The following FRMPD3 variants were observed in gnomAD, a reference collection of about 807,000 sequenced individuals.
The protein encoded by FRMPD3 is FERM and PDZ domain-containing protein 3.
FRMPD3 carries 42 observed loss-of-function variants against 97.9 expected under a neutral mutation model. The ratio of observed to expected loss-of-function variants is 0.43; its 90% CI spans 0.34 to 0.55. The LOEUF (loss-of-function observed/expected upper bound fraction) is 0.55, where lower values mean the gene tolerates loss of function less well. FRMPD3 is among the 20% of genes least tolerant of loss of function. The pLI is 0.03. For synonymous variants in FRMPD3, 577 were observed against 581.1 expected, an observed-to-expected ratio of 0.99 and a Z score of 0.10; for missense variants, 1,303 against 1,457.7, an observed-to-expected ratio of 0.89 and a Z score of 1.73.
At chrX:107,482,191 C>T (rs748852108) in intron 1 of FRMPD3, among the ~76,000 whole-genome samples, 4 of 111,503 alleles carry the variant, frequency 3.6e-5, no homozygotes, top group African/African-American at 9.8e-5. Context: ...CTCCTCCCCC[C>T]GGTCTTCCCA....
chrX:107,475,077 T>C (rs761273561), intron 1 of FRMPD3, among the ~76,000 whole-genome samples: 8 of 112,169 alleles, frequency 7.1e-5, no homozygotes, highest in Admixed American at 1.9e-4. Context: ...TGTGTCTGAA[T>C]ATGTGTATGT....
chrX:107,594,818 T>G (rs1924090959), intron 13 of FRMPD3, among the ~76,000 whole-genome samples: 1 of 109,575 alleles, frequency 9.1e-6, no homozygotes, highest in African/African-American at 3.3e-5. Flanking sequence ...GAGGTGGAGG[T>G]TGCAGTGAGC....
At chrX:107,507,914 A>G (rs1166438708) in intron 1 of FRMPD3, among the ~76,000 whole-genome samples, 1 of 112,281 alleles carries the variant, frequency 8.9e-6, no homozygotes, top group Non-Finnish European at 1.9e-5. Context: ...CATTGTGCTA[A>G]GCTCTTTACC....
intron 1 of FRMPD3, among the ~76,000 whole-genome samples, chrX:107,496,865 G>A (rs1295509083): frequency 8.9e-6 from 1 of 112,424 alleles, no homozygotes; most frequent in East Asian, 2.8e-4. Context: ...GGTTGCCAGT[G>A]GGCAAGAATG....
At chrX:107,510,221 C>T (rs1289499423) in intron 1 of FRMPD3, among the ~76,000 whole-genome samples, 5 of 110,397 alleles carry the variant, frequency 4.5e-5, no homozygotes, top group Non-Finnish European at 9.5e-5. Flanking sequence ...AAAAAAAAAT[C>T]GTTTTTCCTA....
chrX:107,561,781 C>T (rs750978687), intron 10 of FRMPD3, among the ~76,000 whole-genome samples: 2 of 112,546 alleles, frequency 1.8e-5, no homozygotes, highest in African/African-American at 6.5e-5. Flanking sequence ...TTAAGCCATT[C>T]CCACCTTGCT....
chrX:107,577,541 C>T (rs188111541), intron 13 of FRMPD3, among the ~76,000 whole-genome samples: 23 of 106,665 alleles, frequency 2.2e-4, no homozygotes, highest in Middle Eastern at 4.9e-3. Flanking sequence ...CCCAGCTACT[C>T]GGGAGGCTGA....
intron 13 of FRMPD3, among the ~76,000 whole-genome samples, chrX:107,588,685 C>A (rs1418861734): frequency 8.9e-6 from 1 of 112,052 alleles, no homozygotes; most frequent in Non-Finnish European, 1.9e-5. Context: ...CAACTTATTT[C>A]CATTCTCCCT....
At chrX:107,495,441 T>C (rs1206987285) in intron 1 of FRMPD3, among the ~76,000 whole-genome samples, 1 of 112,476 alleles carries the variant, frequency 8.9e-6, no homozygotes, top group African/African-American at 3.2e-5. Context: ...GCAAGCTCCA[T>C]TAGGACAGGA....
chrX:107,583,531 T>C (rs943886526), intron 13 of FRMPD3, among the ~76,000 whole-genome samples: 1 of 112,262 alleles, frequency 8.9e-6, no homozygotes, highest in Admixed American at 9.5e-5. Context: ...CTATTGTAAA[T>C]AGTGCTACAA....
intron 1 of FRMPD3, among the ~76,000 whole-genome samples, chrX:107,515,705 G>A (rs1369249090): frequency 9.0e-6 from 1 of 111,613 alleles, no homozygotes; most frequent in Non-Finnish European, 1.9e-5. Context: ...GTTTTCTTAA[G>A]GATGGATTAT....
At position 107,568,795 on chromosome X, in the gene FRMPD3, A is replaced by G. The variant is rs759813590; in HGVS notation, c.1296+3729A>G. 4.5e-5 allele frequency among the ~76,000 whole-genome samples: 5 copies of G among 110,991 alleles called. No individual in the cohort carries two copies. In the South Asian group the frequency reaches 1.9e-3, roughly 43 times the overall value. ...CATGGCTTGCTGGGTGCAGTGGCTC[A>G]TGCCTGTAGTTCCAGAACTTAGGAA... is the stretch of plus-strand genomic sequence containing the variant. On this transcript the variant is annotated intron_variant, in intron 12 of 14. Transcript: ENST00000683843.
chrX:107,581,270 G>A (rs763468508), intron 13 of FRMPD3, among the ~76,000 whole-genome samples: 5 of 109,994 alleles, frequency 4.5e-5, no homozygotes, highest in South Asian at 7.8e-4. Context: ...CACCATGCCC[G>A]GCTAATTTTT....
At position 107,571,920 on chromosome X, in the gene FRMPD3, A is replaced by G. The variant is rs767823316; in HGVS notation, c.1297-4395A>G. 1.1e-4 allele frequency among the ~76,000 whole-genome samples: 12 copies of G among 112,561 alleles called. No individual in the cohort carries two copies. The East Asian group carries it at 3.4e-3, about 31-fold the overall frequency. ...TCCAGTGTCTGAAACCAAATTAGTC[A>G]CACACGCACACATTCACACTTACCC... On this transcript the variant is annotated intron_variant, in intron 12 of 14. Coordinates refer to ENST00000683843, the MANE Select transcript of FRMPD3 (RefSeq NM_001388459.1).
At chrX:107,526,284 T>C (rs1487891349) in intron 1 of FRMPD3, among the ~76,000 whole-genome samples, 5 of 111,343 alleles carry the variant, frequency 4.5e-5, no homozygotes, top group Middle Eastern at 4.6e-3. Flanking sequence ...TTGCATTGGG[T>C]TCCTTCTGGA....
rs748517667 is a variant in FRMPD3 at position 107,564,821 on chromosome X, T to C, written c.1117-66T>C. On this transcript the variant is annotated intron_variant, in intron 11 of 14. Coordinates refer to ENST00000683843, the MANE Select transcript of FRMPD3 (RefSeq NM_001388459.1). ...ATGCATGTTTTCTATTTCCTCCTCC[T>C]GCCTCCTCTCCCCACCTCCTCCACC... 8.1e-6 allele frequency: 9 copies of C among 1,107,316 alleles called. No homozygotes were observed. The East Asian group carries it at 2.4e-4, about 30-fold the overall frequency. The allele number at this position is 1,107,316 out of a possible 1,213,427, so 91.3% of individuals were successfully genotyped here. A position where few individuals can be genotyped will look rare whatever the true frequency, so the allele number is the denominator to read the frequency against.
chrX:107,602,005 G>A lies in FRMPD3; in HGVS notation c.3966G>A (p.Gly1322=), dbSNP rs373240414. The change falls in exon 15 of 15, where the codon GGG becomes GGA. Residue 1322 remains glycine (G), a synonymous_variant. Transcript: ENST00000683843. ...ATQTPVPSLR[G]RERDRVLPSQ... is the part of the protein sequence containing the mutation. Reference sequence around the variant, plus strand: ...AGACACCAGTGCCCAGCCTCCGGGGGAGGGAAAGGGACAGAGTCCTCCCTA... The same window carrying A: ...AGACACCAGTGCCCAGCCTCCGGGGAAGGGAAAGGGACAGAGTCCTCCCTA... 2.0e-5 allele frequency: 23 copies of A among 1,167,094 alleles called. No homozygotes were observed. Among genetic ancestry groups the A allele is most frequent in the Non-Finnish European group, 2.5e-5 (22 of 875,572 alleles).
At position 107,602,602 on chromosome X, in the gene FRMPD3, C is replaced by T; in HGVS notation, c.4563C>T (p.Pro1521=). The change falls in exon 15 of 15, where the codon CCC becomes CCT. Residue 1521 remains proline (P), a synonymous_variant. Transcript: ENST00000683843. ...DGKDELSYSI[P]MKILPGMKLD... is the part of the protein sequence containing the mutation. ...AGGATGAGCTCTCCTACTCTATCCC[C>T]ATGAAGATCCTGCCTGGCATGAAGC... 1 of 1,211,479 alleles carries T rather than the reference C, an allele frequency of 8.3e-7. No homozygotes were observed. Among genetic ancestry groups the T allele is most frequent in the East Asian group, 3.0e-5 (1 of 33,876 alleles).
At chrX:107,470,354 C>T (rs372664012) in intron 1 of FRMPD3, among the ~76,000 whole-genome samples, 2 of 112,101 alleles carry the variant, frequency 1.8e-5, no homozygotes, top group South Asian at 3.8e-4. Flanking sequence ...CTGGGGCTGA[C>T]GGATGTGCCT....
Sources: allele counts gnomAD v4.1 joint callset (sites outside exome capture counted in the v4.1 genomes callset), GRCh38; gene constraint gnomAD v4.1.1; transcripts MANE v1.5; gene names NCBI Gene and HGNC (gene_info 2026-07-23, HGNC 2026-07-21).